The following DOCK3 variants were observed in gnomAD, a reference collection of about 807,000 sequenced individuals.
DOCK3 encodes dedicator of cytokinesis 3.
DOCK3 carries 60 observed loss-of-function variants against 265.6 expected under a neutral mutation model. That is an observed-to-expected ratio of 0.23 (90% CI 0.18 to 0.28). DOCK3 has a LOEUF of 0.28. Among genes scored for constraint, DOCK3 ranks in the 10% least tolerant of loss-of-function variants. DOCK3 has a pLI of 1.00. For missense variants in DOCK3, 1,981 were observed against 2,594.3 expected (o/e 0.76, Z 5.14); for synonymous variants, 881 against 938.0 (o/e 0.94, Z 1.11).
intron 5 of DOCK3, among the ~76,000 whole-genome samples, chr3:50,959,548 GTGTGTGTGTGTATA>G (rs1451530247): frequency 7.0e-6 from 1 of 142,624 alleles, no homozygotes; most frequent in Non-Finnish European, 1.5e-5. Flanking sequence ...GTGTGTGTGT[GTGTGTGTGTGTATA>G]TATATATAAA....
chr3:51,294,782 G>GTGGGTC (rs1257437847), intron 27 of DOCK3, among the ~76,000 whole-genome samples: 124 of 152,138 alleles, frequency 8.2e-4, no homozygotes, highest in African/African-American at 2.8e-3. Flanking sequence ...AGAAAGGGGA[G>GTGGGTC]ACATTGGTCA....
chr3:51,286,487 T>TA (rs1355785800), intron 27 of DOCK3, among the ~76,000 whole-genome samples: 1 of 151,922 alleles, frequency 6.6e-6, no homozygotes, highest in African/African-American at 2.4e-5. Flanking sequence ...GATATGGAAT[T>TA]AAAAAAAAGC....
chr3:50,908,102 C>T lies in DOCK3; in HGVS notation c.218+18021C>T, dbSNP rs560481809. 7.3e-5 allele frequency among the ~76,000 whole-genome samples: 11 copies of T among 150,024 alleles called. No individual in the cohort carries two copies. The East Asian group carries it at 1.9e-3, about 27-fold the overall frequency. On this transcript the variant is annotated intron_variant, in intron 4 of 52. Coordinates refer to ENST00000266037, the MANE Select transcript of DOCK3 (RefSeq NM_004947.5). ...CATTAATAATTGTGTCTATTTGATT[C>T]TCATTTTTATTATGTGTGTAGCTAG...
chr3:50,875,748 C>T (rs1001399647), intron 3 of DOCK3, among the ~76,000 whole-genome samples: 6 of 151,662 alleles, frequency 4.0e-5, no homozygotes, highest in East Asian at 1.9e-4. Flanking sequence ...TCAGGATTAT[C>T]GGCCTATAGT....
At chr3:50,953,543 T>C (rs2076648980) in intron 5 of DOCK3, among the ~76,000 whole-genome samples, 1 of 152,112 alleles carries the variant, frequency 6.6e-6, no homozygotes, top group East Asian at 1.9e-4. Context: ...ATTCAGTACA[T>C]TGAATATAAA....
chr3:50,676,072 G>A (rs2033937218), intron 1 of DOCK3, among the ~76,000 whole-genome samples: 1 of 152,140 alleles, frequency 6.6e-6, no homozygotes, highest in African/African-American at 2.4e-5. Flanking sequence ...TTACATGATA[G>A]AGTTAAGCCT....
chr3:51,166,727 C>A (rs144047761), intron 12 of DOCK3, among the ~76,000 whole-genome samples: 1 of 152,222 alleles, frequency 6.6e-6, no homozygotes, highest in Non-Finnish European at 1.5e-5. Context: ...TATTGAGTAC[C>A]TTTTCATATA....
intron 7 of DOCK3, among the ~76,000 whole-genome samples, chr3:51,083,661 C>T (rs1449794768): frequency 6.6e-6 from 1 of 152,122 alleles, no homozygotes; most frequent in African/African-American, 2.4e-5. Context: ...CAGTCAAGAG[C>T]TTCAACAATA....
chr3:51,215,897 C>T (rs2089757745), intron 14 of DOCK3, among the ~76,000 whole-genome samples: 1 of 151,890 alleles, frequency 6.6e-6, no homozygotes, highest in Non-Finnish European at 1.5e-5. Context: ...GACACTTCTA[C>T]CATCCTGTCA....
intron 1 of DOCK3, among the ~76,000 whole-genome samples, chr3:50,771,464 G>A (rs143106923): frequency 4.0e-4 from 61 of 152,304 alleles, no homozygotes; most frequent in African/African-American, 1.4e-3. Context: ...TGGTGAGGAT[G>A]TGGAGAAAAG....
intron 5 of DOCK3, among the ~76,000 whole-genome samples, chr3:51,031,644 C>A (rs562755166): frequency 4.6e-5 from 7 of 152,192 alleles, no homozygotes; most frequent in Non-Finnish European, 8.8e-5. Flanking sequence ...AATAATGCCT[C>A]ATACTAGTTA....
chr3:50,870,872 C>G (rs747812837), intron 3 of DOCK3, among the ~76,000 whole-genome samples: 2 of 152,026 alleles, frequency 1.3e-5, no homozygotes, highest in Non-Finnish European at 2.9e-5. Context: ...CATAAACATA[C>G]AAGCAAAAAG....
intron 2 of DOCK3, chr3:50,787,920 C>G (rs1309041039): frequency 2.9e-6 from 3 of 1,025,088 alleles, no homozygotes; most frequent in Non-Finnish European, 4.5e-6. Context: ...AGGTTTACCT[C>G]CACTATGATC....
chr3:50,809,819 A>G (rs2675790), intron 2 of DOCK3, among the ~76,000 whole-genome samples: 14,365 of 152,266 alleles, frequency 0.094, 839 homozygotes, highest in Non-Finnish European at 0.12. Flanking sequence ...TTTTGTGTAC[A>G]AAAAGGACAG....
At chr3:51,197,166 G>A (rs1339771600) in intron 12 of DOCK3, among the ~76,000 whole-genome samples, 2 of 152,170 alleles carry the variant, frequency 1.3e-5, no homozygotes, top group African/African-American at 4.8e-5. Flanking sequence ...GATAGGTTAC[G>A]GTACAGTTGT....
Position 51,237,580 on chromosome 3 carries a change from C to G in DOCK3, c.2092C>G (p.Leu698Val). Residue 698 changes from leucine to valine, a missense_variant, in exon 21 of 53, where the codon CTG becomes GTG. Transcript: ENST00000266037. ...TYIQKHFAGA[L>V]AYKELIRCLK... is the part of the protein sequence containing the mutation. ...TATCCAGAAGCACTTTGCTGGAGCT[C>G]TGGCATACAAGTAAGTTCCATTTGG... The G allele has an allele frequency of 6.2e-7, 1 of 1,613,034 alleles. No individual in the cohort carries two copies. Among genetic ancestry groups the G allele is most frequent in the Non-Finnish European group, 8.5e-7 (1 of 1,179,454 alleles).
intron 1 of DOCK3, among the ~76,000 whole-genome samples, chr3:50,773,771 C>T (rs764079817): frequency 3.3e-5 from 5 of 152,008 alleles, no homozygotes; most frequent in Non-Finnish European, 7.4e-5. Flanking sequence ...ATCCTTTCCC[C>T]TCTACCTTGG....
chr3:51,032,921 A>G lies in DOCK3; in HGVS notation c.316-31527A>G, dbSNP rs563816514. On this transcript the variant is annotated intron_variant, in intron 5 of 52. Transcript: ENST00000266037. ...AGCAAGATCCTGTCTCAAAAATAAA[A>G]TAAAAATATAAACTTTACTTCTCAA... 5.9e-5 allele frequency among the ~76,000 whole-genome samples: 9 copies of G among 152,304 alleles called. No homozygotes were observed. In the South Asian group the frequency reaches 1.0e-3, roughly 18 times the overall value.
chr3:51,303,557 G>A (rs372409465), intron 27 of DOCK3, among the ~76,000 whole-genome samples: 55 of 152,276 alleles, frequency 3.6e-4, no homozygotes, highest in South Asian at 1.0e-3. Flanking sequence ...TTTGTCTAGC[G>A]TCAATCTTTG....
Sources: allele counts gnomAD v4.1 joint callset (sites outside exome capture counted in the v4.1 genomes callset), GRCh38; gene constraint gnomAD v4.1.1; transcripts MANE v1.5; gene names NCBI Gene and HGNC (gene_info 2026-07-23, HGNC 2026-07-21).